The following FAM110B variants were observed in gnomAD, a reference collection of about 807,000 sequenced individuals.
FAM110B encodes the protein protein FAM110B.
Under a neutral mutation model 20.4 loss-of-function variants are expected in FAM110B, and 6 were observed. The observed-to-expected ratio is 0.29, with a 90% CI of 0.16 to 0.58. The LOEUF (loss-of-function observed/expected upper bound fraction) is 0.58, where lower values mean the gene tolerates loss of function less well. FAM110B is among the 20% of genes least tolerant of loss of function. The pLI is 0.90. For missense variants in FAM110B, 434 were observed against 498.2 expected, an observed-to-expected ratio of 0.87 and a Z score of 1.23; for synonymous variants, 226 against 214.1, an observed-to-expected ratio of 1.06 and a Z score of -0.49.
intron 3 of FAM110B, among the ~76,000 whole-genome samples, chr8:58,132,655 G>C (rs1330973173): frequency 6.6e-6 from 1 of 152,174 alleles, no homozygotes; most frequent in Non-Finnish European, 1.5e-5. Flanking sequence ...CATCCACCCT[G>C]CCTGGCATGA....
chr8:58,106,985 T>A (rs368266695), intron 3 of FAM110B, among the ~76,000 whole-genome samples: 18 of 152,228 alleles, frequency 1.2e-4, no homozygotes, highest in Admixed American at 4.6e-4. Flanking sequence ...AGTCATAATT[T>A]TTGCCGTTGA....
intron 3 of FAM110B, among the ~76,000 whole-genome samples, chr8:58,134,769 A>G (rs1218108738): frequency 6.6e-6 from 1 of 152,248 alleles, no homozygotes; most frequent in African/African-American, 2.4e-5. Context: ...CACAGTCAGC[A>G]GCGTAAAGAA....
In FAM110B at chr8:58,101,781, A is replaced by G. The variant is rs72621435; in HGVS notation, c.-325+26158A>G. Among the ~76,000 whole-genome samples, 2,071 of 152,254 alleles carry G rather than the reference A, an allele frequency of 0.014. 92 individuals carry two copies. The East Asian group carries it at 0.16, about 12-fold the overall frequency. ...ATTAAGACAGTCATGATTGCAAATG[A>G]CAGATGGCATCCAGTGGCTCACCAT... On this transcript the variant is annotated intron_variant, in intron 3 of 3. Coordinates refer to ENST00000519262, the MANE Select transcript of FAM110B (RefSeq NM_001377989.1).
intron 1 of FAM110B, among the ~76,000 whole-genome samples, chr8:58,028,765 T>C (rs1287708029): frequency 6.6e-6 from 1 of 152,234 alleles, no homozygotes; most frequent in African/African-American, 2.4e-5. Context: ...GTAGAGGAGT[T>C]CTTCTGTCAT....
chr8:58,147,420 T>C lies in FAM110B; in HGVS notation c.*77T>C, dbSNP rs1043040437. On this transcript the variant is annotated 3_prime_UTR_variant, in exon 4 of 4. Transcript: ENST00000519262. ...AAGGTTGTGAGGTCTCCTTGAAGTG[T>C]TGTGAGCTTCTCCACTCTTTGTGTT... 6.7e-7 allele frequency: 1 copy of C among 1,498,254 alleles called. No individual in the cohort carries two copies. Among genetic ancestry groups the C allele is most frequent in the East Asian group, 2.3e-5 (1 of 44,128 alleles). The allele number at this position is 1,498,254 out of a possible 1,614,324, so 92.8% of individuals were successfully genotyped here.
At chr8:58,100,200 A>G (rs1806742799) in intron 3 of FAM110B, among the ~76,000 whole-genome samples, 1 of 152,056 alleles carries the variant, frequency 6.6e-6, no homozygotes, top group Admixed American at 6.5e-5. Flanking sequence ...ACAAACTACT[A>G]ACACTGAAAT....
At chr8:58,012,520 G>A (rs1563496646) in intron 1 of FAM110B, among the ~76,000 whole-genome samples, 2 of 152,122 alleles carry the variant, frequency 1.3e-5, no homozygotes, top group South Asian at 4.1e-4. Flanking sequence ...AAAATAAAAG[G>A]TTTTATTGAG....
At chr8:58,103,369 G>A (rs1173481586) in intron 3 of FAM110B, among the ~76,000 whole-genome samples, 2 of 136,728 alleles carry the variant, frequency 1.5e-5, no homozygotes, top group African/African-American at 5.6e-5. Context: ...TCCCCTTCCT[G>A]TGTCCATGTG....
chr8:58,128,741 T>C (rs1415026561), intron 3 of FAM110B, among the ~76,000 whole-genome samples: 1 of 152,234 alleles, frequency 6.6e-6, no homozygotes, highest in Non-Finnish European at 1.5e-5. Context: ...TTGCTGTTGA[T>C]CATAATGTTT....
At chr8:58,132,172 T>G (rs1803489252) in intron 3 of FAM110B, among the ~76,000 whole-genome samples, 1 of 152,174 alleles carries the variant, frequency 6.6e-6, no homozygotes, top group South Asian at 2.1e-4. Context: ...GGGCCTATTT[T>G]TTATATTTTA....
intron 1 of FAM110B, among the ~76,000 whole-genome samples, chr8:58,017,521 A>G (rs1383622834): frequency 6.6e-6 from 1 of 152,198 alleles, no homozygotes; most frequent in East Asian, 1.9e-4. Flanking sequence ...TTTGCTCTCA[A>G]CTTGAACTTG....
chr8:58,139,917 G>A (rs932568656), intron 3 of FAM110B, among the ~76,000 whole-genome samples: 1 of 151,918 alleles, frequency 6.6e-6, no homozygotes. Context: ...GCAACAGAAC[G>A]AGACTCTGTT....
In FAM110B at chr8:58,008,752, C is replaced by G. The variant is rs551033600; in HGVS notation, c.-512+13946C>G. Among the ~76,000 whole-genome samples the G allele has an allele frequency of 2.0e-4, 31 of 152,314 alleles. No homozygotes were observed. In the South Asian group the frequency reaches 6.2e-3, roughly 31 times the overall value. On this transcript the variant is annotated intron_variant, in intron 1 of 3. Transcript: ENST00000519262. Reference sequence around the variant, plus strand: ...ACTTCTCCGTGCATCTGAACTAAGGCTGACACCAGGTATGAGCTCCATGAG... The same window carrying G: ...ACTTCTCCGTGCATCTGAACTAAGGGTGACACCAGGTATGAGCTCCATGAG...
intron 3 of FAM110B, among the ~76,000 whole-genome samples, chr8:58,088,645 T>TA (rs1806397422): frequency 6.6e-6 from 1 of 152,192 alleles, no homozygotes; most frequent in African/African-American, 2.4e-5. Flanking sequence ...GTGTAGAAGT[T>TA]ACAAGGAAAT....
intron 3 of FAM110B, among the ~76,000 whole-genome samples, chr8:58,115,824 A>G (rs1230426959): frequency 6.6e-6 from 1 of 152,214 alleles, no homozygotes; most frequent in Admixed American, 6.5e-5. Context: ...AACTTAGGCT[A>G]GGAAAAAACT....
chr8:58,008,524 G>C (rs1213818649), intron 1 of FAM110B, among the ~76,000 whole-genome samples: 4 of 152,142 alleles, frequency 2.6e-5, no homozygotes, highest in Admixed American at 6.5e-5. Context: ...TATCTAATGT[G>C]TTATGAGTAA....
At chr8:58,069,600 G>A (rs1307359349) in intron 2 of FAM110B, among the ~76,000 whole-genome samples, 5 of 152,082 alleles carry the variant, frequency 3.3e-5, no homozygotes, top group East Asian at 3.8e-4. Context: ...TTATAACTGC[G>A]AATTAATCAC....
chr8:58,071,202 G>T (rs1805889544), intron 2 of FAM110B, among the ~76,000 whole-genome samples: 1 of 152,092 alleles, frequency 6.6e-6, no homozygotes, highest in African/African-American at 2.4e-5. Context: ...ATATTTAAAT[G>T]GGCAAGGCTG....
intron 1 of FAM110B, among the ~76,000 whole-genome samples, chr8:58,028,166 C>T (rs1585822987): frequency 6.6e-6 from 1 of 152,288 alleles, no homozygotes; most frequent in East Asian, 1.9e-4. Flanking sequence ...TGCAGTGCTG[C>T]GGTCTCGGCT....
Sources: gnomAD v4.1 joint callset for allele counts (sites outside exome capture counted in the v4.1 genomes callset) on GRCh38, gnomAD v4.1.1 for gene constraint, MANE v1.5 for transcripts, NCBI Gene and HGNC (gene_info 2026-07-23, HGNC 2026-07-21) for gene names.